The following ORC3 variants were observed in gnomAD, a reference collection of about 807,000 sequenced individuals.
The protein encoded by ORC3 is homolog of latheo, Drosophila.
In ORC3, 78 loss-of-function variants were observed where a neutral mutation model predicts 100.7. That is an observed-to-expected ratio of 0.77 (90% CI 0.65 to 0.94). The LOEUF (loss-of-function observed/expected upper bound fraction) is 0.94. Among genes scored for constraint, ORC3 ranks in the 40% least tolerant of loss-of-function variants. ORC3 has a pLI of 0.00. For synonymous variants in ORC3, 295 were observed against 289.3 expected (o/e 1.02, Z -0.20); for missense variants, 789 against 823.9 (o/e 0.96, Z 0.52).
chr6:87,613,637 G>C (rs1040923158), intron 8 of ORC3, among the ~76,000 whole-genome samples: 5 of 152,190 alleles, frequency 3.3e-5, no homozygotes, highest in African/African-American at 1.2e-4. Context: ...GATACAATGG[G>C]GGTACAGGCA....
intron 13 of ORC3, among the ~76,000 whole-genome samples, chr6:87,652,454 C>G (rs1769353447): frequency 2.0e-5 from 3 of 152,188 alleles, no homozygotes; most frequent in African/African-American, 7.2e-5. Flanking sequence ...CTCAACCACT[C>G]TGCCTGTGCT....
intron 12 of ORC3, among the ~76,000 whole-genome samples, chr6:87,635,729 G>A (rs1339354759): frequency 3.3e-5 from 5 of 151,812 alleles, no homozygotes; most frequent in Non-Finnish European, 7.4e-5. Flanking sequence ...CCTGGGAGGC[G>A]GAGGTTGCAC....
Position 87,609,132 on chromosome 6 carries a change from A to G in ORC3, c.616A>G (p.Thr206Ala). The G allele has an allele frequency of 6.2e-7, 1 of 1,604,368 alleles. No homozygotes were observed. The highest frequency in any genetic ancestry group is 8.5e-7 in the Non-Finnish European group (1 of 1,177,756). ...DPKMLSKKRT[T>A]SSQWQSPPVV... is the part of the protein sequence containing the mutation. ...AAAAATGCTAAGCAAAAAAAGGACT[A>G]CTTCTAGCCAATGGCAGTCTCCTCC... The change falls in exon 7 of 20, where the codon ACT becomes GCT. Residue 206 changes from threonine (T) to alanine (A), a missense_variant. Thr to Ala is a moderately conservative substitution (Grantham distance 58). Around this residue, in one of 3 missense-constraint regions of ORC3, gnomAD observed 399 missense variants for 382.0 expected, o/e 1.04. Transcript: ENST00000392844.
Position 87,664,768 on chromosome 6 carries a change from G to C in ORC3, c.1859G>C (p.Gly620Ala), listed in dbSNP as rs139494209. ...LKNEALKSEE[G>A]CIPNIAPDIC... ...AATGAAGCACTGAAAAGCGAAGAAG[G>C]CTGCATTCCGAATATCGCCCCAGAC... is the stretch of plus-strand genomic sequence containing the variant. Residue 620 changes from glycine (G) to alanine (A), a missense_variant, in exon 18 of 20, where the codon GGC (glycine) becomes GCC (alanine). Physicochemically the swap from Gly to Ala is moderately conservative, Grantham distance 60 (BLOSUM62 0). This residue lies in a region of ORC3 where 366 missense variants were observed against 394.2 expected (regional missense o/e 0.93). Transcript: ENST00000392844. The C allele has an allele frequency of 7.4e-6, 12 of 1,613,922 alleles. No homozygotes were observed. The highest frequency in any genetic ancestry group is 9.3e-6 in the Non-Finnish European group (11 of 1,179,956).
intron 2 of ORC3, among the ~76,000 whole-genome samples, chr6:87,599,295 A>T (rs1434963420): frequency 1.3e-5 from 2 of 151,904 alleles, no homozygotes; most frequent in African/African-American, 4.8e-5. Context: ...ATTAATGTAA[A>T]GTGACTATTT....
At chr6:87,600,569 A>G (rs920343839) in intron 2 of ORC3, among the ~76,000 whole-genome samples, 1 of 152,236 alleles carries the variant, frequency 6.6e-6, no homozygotes, top group African/African-American at 2.4e-5. Flanking sequence ...GATAAAATGT[A>G]CAACATACAA....
intron 11 of ORC3, among the ~76,000 whole-genome samples, chr6:87,629,914 C>T (rs1767258888): frequency 6.6e-6 from 1 of 152,036 alleles, no homozygotes. Context: ...GAATAACAGA[C>T]AGGATTGATG....
chr6:87,590,607 G>A (rs936176559), intron 1 of ORC3, among the ~76,000 whole-genome samples: 1 of 152,188 alleles, frequency 6.6e-6, no homozygotes, highest in South Asian at 2.1e-4. Flanking sequence ...GTGTTAGCAA[G>A]GAAAAGAGTT....
chr6:87,640,460 G>C (rs1447953812), intron 13 of ORC3, among the ~76,000 whole-genome samples: 2 of 152,094 alleles, frequency 1.3e-5, no homozygotes, highest in Non-Finnish European at 2.9e-5. Flanking sequence ...CATATGTTCT[G>C]CCTTTCCTTG....
intron 12 of ORC3, 146 bp downstream of exon 12, chr6:87,635,107 A>G (rs1767713470): frequency 1.4e-6 from 1 of 720,922 alleles, no homozygotes; most frequent in Non-Finnish European, 2.5e-6. Flanking sequence ...CCAGCTGTAA[A>G]CATTACTGGT....
intron 5 of ORC3, 145 bp from the exon 6 acceptor site, chr6:87,607,528 G>A (rs887548480): frequency 8.6e-6 from 5 of 583,760 alleles, no homozygotes; most frequent in Non-Finnish European, 1.5e-5. Context: ...TATGTTAAAT[G>A]TTACATTAGC....
At chr6:87,639,318 G>A (rs1433409602) in intron 13 of ORC3, among the ~76,000 whole-genome samples, 1 of 152,100 alleles carries the variant, frequency 6.6e-6, no homozygotes, top group Non-Finnish European at 1.5e-5. Flanking sequence ...TAATTCTTCT[G>A]CTTTGTTTGG....
intron 7 of ORC3, among the ~76,000 whole-genome samples, chr6:87,611,362 A>AC (rs1778753951): frequency 6.6e-6 from 1 of 152,182 alleles, no homozygotes; most frequent in Non-Finnish European, 1.5e-5. Context: ...GAAAAGCTGT[A>AC]CTTTTTTTTG....
chr6:87,675,261 T>G, the ORC3 span: 2 of 325,054 alleles, frequency 6.2e-6, no homozygotes, highest in Non-Finnish European at 1.1e-5. Flanking sequence ...TGAAGTGTCA[T>G]TCTACAGTTT....
intron 11 of ORC3, among the ~76,000 whole-genome samples, chr6:87,632,714 G>A (rs187547625): frequency 6.6e-6 from 1 of 151,930 alleles, no homozygotes; most frequent in East Asian, 1.9e-4. Context: ...AATACAAAAT[G>A]TTAACTGGGC....
intron 14 of ORC3, among the ~76,000 whole-genome samples, chr6:87,653,937 A>G (rs766350383): frequency 6.6e-6 from 1 of 152,166 alleles, no homozygotes; most frequent in Non-Finnish European, 1.5e-5. Flanking sequence ...CTAGCTTTTC[A>G]TGGGCTCTTC....
In ORC3 at chr6:87,607,877, G is replaced by A. The variant is rs766503322; in HGVS notation, c.579+53G>A. Reference sequence around the variant, plus strand: ...AGGAAATTGACGTATGATTGATGTGGCTTGGAATAATATTAGACAGTACTG... The same window carrying A: ...AGGAAATTGACGTATGATTGATGTGACTTGGAATAATATTAGACAGTACTG... On this transcript the variant is annotated intron_variant, in intron 6 of 19. Transcript: ENST00000392844. The A allele has an allele frequency of 7.5e-5, 99 of 1,320,588 alleles. 6 individuals carry two copies. In the Middle Eastern group the frequency reaches 0.012, roughly 164 times the overall value. 81.8% of individuals were successfully genotyped at this position (1,320,588 alleles called of 1,614,324 possible).
At chr6:87,630,500 C>T (rs936643520) in intron 11 of ORC3, among the ~76,000 whole-genome samples, 1 of 152,098 alleles carries the variant, frequency 6.6e-6, no homozygotes, top group African/African-American at 2.4e-5. Flanking sequence ...ATTATGTGCC[C>T]GGTGTTAATC....
Position 87,612,224 on chromosome 6 carries a change from G to T in ORC3, c.849G>T (p.Glu283Asp). 3.1e-6 allele frequency: 5 copies of T among 1,610,042 alleles called. No homozygotes were observed. Among genetic ancestry groups the T allele is most frequent in the Non-Finnish European group, 3.4e-6 (4 of 1,178,588 alleles). Residue 283 changes from glutamate (E) to aspartate (D), a missense_variant, in exon 8 of 20, where the codon GAG becomes GAT. Transcript: ENST00000392844. The part of the protein sequence containing the change: ...IELFQSLSCK[E>D]HLTTVLDKLL... ...TGTTCCAATCTTTGTCTTGTAAGGAGCACCTGACTACGGTACTCGATAAGG... is the reference window on the plus strand; with the variant it reads ...TGTTCCAATCTTTGTCTTGTAAGGATCACCTGACTACGGTACTCGATAAGG...
Sources: gnomAD v4.1 joint callset for allele counts (sites outside exome capture counted in the v4.1 genomes callset) on GRCh38, gnomAD v4.1.1 for gene constraint, gnomAD v4.1.1 regional missense constraint, MANE v1.5 for transcripts, NCBI Gene and HGNC (gene_info 2026-07-23, HGNC 2026-07-21) for gene names.